Variants in GALNT13 observed in about 807,000 individuals in gnomAD.
The protein encoded by GALNT13 is UDP-GalNAc:polypeptide N-acetylgalactosaminyltransferase 13.
GALNT13 carries 28 observed loss-of-function variants against 64.2 expected under a neutral mutation model. The observed-to-expected ratio is 0.44, with a 90% confidence interval of 0.32 to 0.60. The LOEUF is 0.60. Ranked by LOEUF, GALNT13 falls within the 20% of genes least tolerant of loss-of-function variation. The pLI, the probability that GALNT13 is intolerant of heterozygous loss-of-function variation, is 0.05. For missense variants in GALNT13, 577 were observed against 669.8 expected (o/e 0.86, Z 1.53); for synonymous variants, 214 against 224.6 (o/e 0.95, Z 0.42).
At chr2:154,363,355 CTT>C (rs35168419) in intron 9 of GALNT13, among the ~76,000 whole-genome samples, 2 of 151,918 alleles carry the variant, frequency 1.3e-5, no homozygotes, top group Non-Finnish European at 2.9e-5. Flanking sequence ...TTTGTTTTAA[CTT>C]TTTTTTGTGG....
chr2:153,755,080 G>A, the GALNT13 span, among the ~76,000 whole-genome samples: 2 of 152,166 alleles, frequency 1.3e-5, no homozygotes, highest in African/African-American at 2.4e-5. Flanking sequence ...GAAGAGTGGT[G>A]TCTGTAATTT....
the GALNT13 span, among the ~76,000 whole-genome samples, chr2:153,665,800 A>T: frequency 6.6e-6 from 1 of 151,904 alleles, no homozygotes; most frequent in Non-Finnish European, 1.5e-5. Context: ...GCCGCAGGAG[A>T]TCCCACAACC....
chr2:154,236,180 G>A, intron 4 of GALNT13: 1 of 1,077,030 alleles, frequency 9.3e-7, no homozygotes, highest in Non-Finnish European at 1.2e-6. Flanking sequence ...ATGACATAAA[G>A]GTAATCTTCC....
At chr2:153,825,775 G>A in the GALNT13 span, among the ~76,000 whole-genome samples, 2 of 152,050 alleles carry the variant, frequency 1.3e-5, no homozygotes, top group Non-Finnish European at 2.9e-5. Flanking sequence ...ACAAGAGCTG[G>A]CTTCTTTGCT....
At chr2:153,496,800 A>G in the GALNT13 span, among the ~76,000 whole-genome samples, 1 of 152,058 alleles carries the variant, frequency 6.6e-6, no homozygotes, top group Non-Finnish European at 1.5e-5. Flanking sequence ...AGCCTGGCCA[A>G]CATAGTGAAA....
chr2:153,295,249 C>T, the GALNT13 span, among the ~76,000 whole-genome samples: 4 of 152,126 alleles, frequency 2.6e-5, no homozygotes, highest in Non-Finnish European at 5.9e-5. Context: ...AGATAACTTA[C>T]ATTTGTATCA....
the GALNT13 span, among the ~76,000 whole-genome samples, chr2:153,638,973 C>T: frequency 4.6e-5 from 7 of 152,052 alleles, no homozygotes; most frequent in Non-Finnish European, 1.0e-4. Flanking sequence ...TGTCAACCAG[C>T]GAACACGTGG....
At chr2:154,099,528 T>C (rs1702240493) in intron 3 of GALNT13, among the ~76,000 whole-genome samples, 1 of 152,142 alleles carries the variant, frequency 6.6e-6, no homozygotes, top group South Asian at 2.1e-4. Context: ...CTAGGCTTTC[T>C]TCTAAGATTT....
chr2:154,448,937 T>A (rs707076), intron 12 of GALNT13, among the ~76,000 whole-genome samples: 5 of 151,984 alleles, frequency 3.3e-5, no homozygotes, highest in Admixed American at 1.3e-4. Context: ...AATATATACA[T>A]AAAAGACCAC....
At chr2:153,699,030 C>T in the GALNT13 span, among the ~76,000 whole-genome samples, 11 of 152,272 alleles carry the variant, frequency 7.2e-5, no homozygotes, top group African/African-American at 2.6e-4. Flanking sequence ...CAAGACCATC[C>T]TGGCCAACAT....
chr2:153,403,981 T>G, the GALNT13 span, among the ~76,000 whole-genome samples: 1 of 152,234 alleles, frequency 6.6e-6, no homozygotes, highest in Non-Finnish European at 1.5e-5. Context: ...TTTGAAATTC[T>G]AATCCACAAA....
the GALNT13 span, among the ~76,000 whole-genome samples, chr2:153,439,605 G>A: frequency 6.6e-6 from 1 of 152,192 alleles, no homozygotes; most frequent in Non-Finnish European, 1.5e-5. Context: ...CGTGGGCATA[G>A]GACAATCTCA....
At chr2:154,290,508 C>T (rs1001718473) in intron 8 of GALNT13, among the ~76,000 whole-genome samples, 1 of 152,182 alleles carries the variant, frequency 6.6e-6, no homozygotes, top group African/African-American at 2.4e-5. Context: ...TCTGTTTAAG[C>T]TGGAGGCGGC....
chr2:153,738,836 A>T, the GALNT13 span, among the ~76,000 whole-genome samples: 1 of 151,908 alleles, frequency 6.6e-6, no homozygotes, highest in Non-Finnish European at 1.5e-5. Flanking sequence ...TCAAAACATT[A>T]TAGAAATTGT....
At chr2:154,031,092 T>C (rs1013639479) in intron 3 of GALNT13, among the ~76,000 whole-genome samples, 1 of 152,178 alleles carries the variant, frequency 6.6e-6, no homozygotes, top group Non-Finnish European at 1.5e-5. Flanking sequence ...TATTTATTTA[T>C]CTTACATGTA....
the GALNT13 span, among the ~76,000 whole-genome samples, chr2:153,147,061 T>C: frequency 6.6e-6 from 1 of 151,838 alleles, no homozygotes; most frequent in African/African-American, 2.4e-5. Flanking sequence ...TAGTAGTATC[T>C]CATTTTATAG....
chr2:153,631,037 A>G, the GALNT13 span, among the ~76,000 whole-genome samples: 2 of 150,960 alleles, frequency 1.3e-5, no homozygotes, highest in Admixed American at 1.3e-4. Flanking sequence ...TTCAATTCCC[A>G]TCTATGAGTG....
chr2:153,976,680 C>T (rs577244972), intron 3 of GALNT13, among the ~76,000 whole-genome samples: 5 of 152,010 alleles, frequency 3.3e-5, no homozygotes, highest in African/African-American at 7.2e-5. Flanking sequence ...TAGCTTTTCT[C>T]GTAGAAATAG....
chr2:153,874,917 AT>A (rs1419705657), intron 1 of GALNT13, among the ~76,000 whole-genome samples: 1 of 152,050 alleles, frequency 6.6e-6, no homozygotes, highest in East Asian at 1.9e-4. Flanking sequence ...GCATCTCTCA[AT>A]CTCCTTACCT....
Sources: allele counts gnomAD v4.1 joint callset (sites outside exome capture counted in the v4.1 genomes callset), GRCh38; gene constraint gnomAD v4.1.1; transcripts MANE v1.5; gene names NCBI Gene and HGNC (gene_info 2026-07-23, HGNC 2026-07-21).